Variants in PDE4D observed in about 807,000 individuals in gnomAD.
PDE4D encodes the protein 3',5'-cyclic-AMP phosphodiesterase 4D.
PDE4D carries 24 observed loss-of-function variants against 87.4 expected under a neutral mutation model. The observed-to-expected ratio is 0.27, with a 90% CI of 0.20 to 0.39. The LOEUF (loss-of-function observed/expected upper bound fraction) is 0.39. Among genes scored for constraint, PDE4D ranks in the 10% least tolerant of loss-of-function variants. The probability of loss-of-function intolerance (pLI) is 1.00; values close to 1 mark genes in which losing one functional copy is unlikely to be tolerated. For synonymous variants in PDE4D, 384 were observed against 383.2 expected (o/e 1.00, Z -0.02); for missense variants, 714 against 1,041.0 (o/e 0.69, Z 4.32).
chr5:59,784,230 A>G (rs1764918458), intron 1 of PDE4D, among the ~76,000 whole-genome samples: 1 of 147,758 alleles, frequency 6.8e-6, no homozygotes, highest in Non-Finnish European at 1.5e-5. Flanking sequence ...GATTCCCAAA[A>G]GTAACTTCCT....
chr5:60,284,853 T>C lies in PDE4D; in HGVS notation c.-89-99166A>G, dbSNP rs1752266119. 1.4e-5 allele frequency among the ~76,000 whole-genome samples: 2 copies of C among 141,962 alleles called. 1 individual carries two copies. The highest frequency in any genetic ancestry group is 6.0e-5 in the African/African-American group (2 of 33,294). The allele number at this position is 141,962 out of a possible 152,430, so 93.1% of individuals were successfully genotyped here. A position where few individuals can be genotyped will look rare whatever the true frequency, so the allele number is the denominator to read the frequency against. ...CAGAAATAATACCTCAAGTATTCTT[T>C]ATAAATGGCAACACTTAAATGCACA... On this transcript the variant is annotated intron_variant, in intron 1 of 16. Transcript: ENST00000502484.
intron 2 of PDE4D, among the ~76,000 whole-genome samples, chr5:60,067,784 T>C (rs1772269303): frequency 6.6e-6 from 1 of 152,160 alleles, no homozygotes; most frequent in Admixed American, 6.6e-5. Flanking sequence ...TGAATTTGAC[T>C]ATTTTAGATA....
chr5:59,007,655 C>A (rs551680113), intron 6 of PDE4D, among the ~76,000 whole-genome samples: 1 of 151,892 alleles, frequency 6.6e-6, no homozygotes, highest in Non-Finnish European at 1.5e-5. Flanking sequence ...TATTTACTGC[C>A]CTCTAGTGAT....
chr5:59,818,115 C>T (rs1769207620), intron 1 of PDE4D, among the ~76,000 whole-genome samples: 1 of 152,180 alleles, frequency 6.6e-6, no homozygotes, highest in Non-Finnish European at 1.5e-5. Context: ...TTAAGAATGG[C>T]AACACTCAGG....
intron 1 of PDE4D, among the ~76,000 whole-genome samples, chr5:60,406,300 CAATT>C (rs978513439): frequency 1.3e-5 from 2 of 151,928 alleles, no homozygotes; most frequent in Non-Finnish European, 2.9e-5. Flanking sequence ...CTGAAATGCA[CAATT>C]AATTTTTAAA....
chr5:59,480,248 T>G (rs1804015885), intron 1 of PDE4D, among the ~76,000 whole-genome samples: 1 of 152,032 alleles, frequency 6.6e-6, no homozygotes, highest in African/African-American at 2.4e-5. Context: ...TGCAAAGTTA[T>G]CAAAAAGGAT....
At chr5:59,428,191 C>T (rs969831904) in intron 1 of PDE4D, among the ~76,000 whole-genome samples, 6 of 152,142 alleles carry the variant, frequency 3.9e-5, no homozygotes, top group African/African-American at 7.2e-5. Flanking sequence ...GAAAAACATG[C>T]TGTTCTTTCA....
At chr5:59,251,955 AG>A (rs1348764983) in intron 1 of PDE4D, among the ~76,000 whole-genome samples, 2 of 152,168 alleles carry the variant, frequency 1.3e-5, no homozygotes, top group Non-Finnish European at 2.9e-5. Flanking sequence ...CTCACTTATA[AG>A]TGGGAGCTAA....
intron 1 of PDE4D, among the ~76,000 whole-genome samples, chr5:60,407,145 A>T (rs1741605124): frequency 6.6e-6 from 1 of 152,164 alleles, no homozygotes; most frequent in African/African-American, 2.4e-5. Flanking sequence ...CTGCTTGGTG[A>T]CAAGAGGGTC....
intron 1 of PDE4D, among the ~76,000 whole-genome samples, chr5:60,337,351 CTAT>C (rs1451780437): frequency 1.6e-5 from 1 of 62,230 alleles, no homozygotes; most frequent in Non-Finnish European, 3.3e-5. Context: ...AACAAACAAA[CTAT>C]ATATATATAT....
chr5:59,113,214 T>G (rs1772986331), intron 5 of PDE4D, among the ~76,000 whole-genome samples: 1 of 152,184 alleles, frequency 6.6e-6, no homozygotes, highest in Non-Finnish European at 1.5e-5. Flanking sequence ...AAGCCAAATA[T>G]GAATGATAAA....
intron 1 of PDE4D, among the ~76,000 whole-genome samples, chr5:59,574,078 ATATATT>A (rs1206020332): frequency 2.0e-4 from 3 of 14,658 alleles, no homozygotes; most frequent in African/African-American, 4.1e-4. Context: ...ATATTTATAT[ATATATT>A]TATATATATA....
At chr5:60,480,329 A>G (rs1267677461) in intron 1 of PDE4D, among the ~76,000 whole-genome samples, 1 of 152,176 alleles carries the variant, frequency 6.6e-6, no homozygotes, top group Non-Finnish European at 1.5e-5. Flanking sequence ...AAACATTTAT[A>G]AAGCACTATG....
At chr5:59,216,967 A>G in intron 1 of PDE4D, 1 of 252,490 alleles carries the variant, frequency 4.0e-6, no homozygotes, top group Admixed American at 5.0e-5. Flanking sequence ...GCTCTCTACA[A>G]ATGGAGACTC....
chr5:59,209,214 C>G (rs1429170186), intron 2 of PDE4D, among the ~76,000 whole-genome samples: 1 of 151,976 alleles, frequency 6.6e-6, no homozygotes, highest in Admixed American at 6.6e-5. Context: ...GAGGCAGGGT[C>G]TCACTCTGTC....
At chr5:59,623,452 G>T (rs562057759) in intron 1 of PDE4D, among the ~76,000 whole-genome samples, 2 of 152,144 alleles carry the variant, frequency 1.3e-5, no homozygotes, top group African/African-American at 4.8e-5. Flanking sequence ...AGACAAAGTC[G>T]TGGACTTGGT....
intron 6 of PDE4D, among the ~76,000 whole-genome samples, chr5:59,002,487 GA>G (rs374884271): frequency 5.4e-4 from 77 of 143,112 alleles, no homozygotes; most frequent in African/African-American, 1.5e-3. Flanking sequence ...CCATTAGGTT[GA>G]AAAAAAAAAA....
intron 3 of PDE4D, among the ~76,000 whole-genome samples, chr5:59,191,391 T>C (rs867699909): frequency 4.6e-5 from 7 of 151,912 alleles, no homozygotes; most frequent in South Asian, 2.1e-4. Context: ...TAAATATTTA[T>C]ATATATTTTT....
At chr5:60,221,361 G>T (rs1285654473) in intron 1 of PDE4D, among the ~76,000 whole-genome samples, 1 of 151,884 alleles carries the variant, frequency 6.6e-6, no homozygotes, top group Non-Finnish European at 1.5e-5. Context: ...ATTACCATGT[G>T]TTTACTTATT....
Sources: gnomAD v4.1 joint callset for allele counts (sites outside exome capture counted in the v4.1 genomes callset) on GRCh38, gnomAD v4.1.1 for gene constraint, MANE v1.5 for transcripts, NCBI Gene and HGNC (gene_info 2026-07-23, HGNC 2026-07-21) for gene names.